The following LEO1 variants were observed in gnomAD, a reference collection of about 807,000 sequenced individuals.
LEO1 encodes the protein LEO1 component of Paf1/RNA polymerase II complex.
A neutral mutation model predicts 80.4 loss-of-function variants in LEO1; 34 were observed. That is an observed-to-expected ratio of 0.42 (90% CI 0.32 to 0.56). The LOEUF (loss-of-function observed/expected upper bound fraction) is 0.56, where lower values mean the gene tolerates loss of function less well. Ranked by LOEUF, LEO1 falls within the 20% of genes least tolerant of loss-of-function variation. LEO1 has a pLI of 0.10. For missense variants in LEO1, 631 were observed against 814.2 expected, an observed-to-expected ratio of 0.77 and a Z score of 2.74; for synonymous variants, 262 against 274.9, an observed-to-expected ratio of 0.95 and a Z score of 0.46.
In LEO1 at chr15:51,965,885, T is replaced by C; in HGVS notation, c.678A>G (p.Lys226=). 1 of 1,614,146 alleles carries C rather than the reference T, an allele frequency of 6.2e-7. No homozygotes were observed. Among genetic ancestry groups the C allele is most frequent in the Non-Finnish European group, 8.5e-7 (1 of 1,180,024 alleles). ...RPVASDNDDE[K]QNSDDEEQPQ... ...GTTGTTCTTCATCATCAGAATTCTG[T>C]TTCTCATCATCATTATCAGAAGCTA... The change falls in exon 2 of 12, where the codon AAA becomes AAG. Residue 226 remains lysine, a synonymous_variant. Transcript: ENST00000299601.
chr15:51,950,093 G>A, intron 9 of LEO1, 99 bp from the exon 10 acceptor site: 1 of 1,030,530 alleles, frequency 9.7e-7, no homozygotes, highest in Non-Finnish European at 1.4e-6. Context: ...GTCTGGTCCA[G>A]ATAACAGCTG....
Position 51,971,741 on chromosome 15 carries a change from G to C in LEO1, c.5C>G (p.Ala2Gly), listed in dbSNP as rs896338366. The change falls in exon 1 of 12, where the codon GCG (alanine) becomes GGG (glycine). Residue 2 changes from alanine (A) to glycine (G), a missense_variant. Coordinates refer to ENST00000299601, the MANE Select transcript of LEO1 (RefSeq NM_138792.4). ...GCTCCCGAAGAGATCCTCCATATCC[G>C]CCATTATCGCTCACGTCCGCTGCTG... MADMEDLFGSDA... is the reference protein window; with the variant it reads MGDMEDLFGSDA... 6 of 1,614,080 alleles carry C rather than the reference G, an allele frequency of 3.7e-6. No homozygotes were observed. The highest frequency in any genetic ancestry group is 5.1e-6 in the Non-Finnish European group (6 of 1,180,008).
intron 11 of LEO1, among the ~76,000 whole-genome samples, chr15:51,943,147 A>G (rs987876078): frequency 4.6e-5 from 7 of 151,992 alleles, no homozygotes; most frequent in African/African-American, 1.2e-4. Flanking sequence ...TGGGAGACCA[A>G]TGCGGGCAGA....
chr15:51,956,351 C>CGG (rs774993668), intron 6 of LEO1, among the ~76,000 whole-genome samples: 6 of 130,446 alleles, frequency 4.6e-5, no homozygotes, highest in Non-Finnish European at 9.3e-5. Flanking sequence ...ACCCGGGAGG[C>CGG]GGGGGTTGCA....
In LEO1 at chr15:51,971,716, G is replaced by C. The variant is rs372215852; in HGVS notation, c.30C>G (p.Ser10Arg). 6.2e-7 allele frequency: 1 copy of C among 1,613,988 alleles called. No individual in the cohort carries two copies. Among genetic ancestry groups the C allele is most frequent in the African/African-American group, 1.3e-5 (1 of 74,946 alleles). The change falls in exon 1 of 12, where the codon AGC becomes AGG. Residue 10 changes from serine (S) to arginine (R), a missense_variant. Around this residue, in one of 4 missense-constraint regions of LEO1, gnomAD observed 394 missense variants for 395.6 expected, o/e 1.00. Transcript: ENST00000299601. ...TACGCTCAGCTTCGCTGTCGGCGTC[G>C]CTCCCGAAGAGATCCTCCATATCCG... is the stretch of plus-strand genomic sequence containing the variant. MADMEDLFG[S>R]DADSEAERKD...
rs1595941247 is a variant in LEO1, at chr15:51,958,947, T to C, written c.1161-121A>G. 5.7e-6 allele frequency: 3 copies of C among 525,592 alleles called. No individual in the cohort carries two copies. The East Asian group carries it at 1.0e-4, about 18-fold the overall frequency. The allele number at this position is 525,592 out of a possible 1,614,324, so 32.6% of individuals were successfully genotyped here. ...AAAAATCATAATATAATTTTAAAAA[T>C]CATAATGATCAATATCTTCATGCTT... On this transcript the variant is annotated intron_variant, in intron 5 of 11. Coordinates refer to ENST00000299601, the MANE Select transcript of LEO1 (RefSeq NM_138792.4).
In LEO1 at chr15:51,960,681, C is replaced by A. The variant is rs1400128823; in HGVS notation, c.972G>T (p.Gly324=). ...TAGGTGGTTTGTCTTCTCCATCACT[C>A]CCTGAAGAGATATCATCTGCACCTC... The part of the protein sequence containing the change: ...LFGGADDISS[G]SDGEDKPPTP... The change falls in exon 4 of 12, where the codon GGG becomes GGT. Residue 324 remains glycine (G), a synonymous_variant. Transcript: ENST00000299601. The A allele has an allele frequency of 2.5e-6, 4 of 1,612,178 alleles. No individual in the cohort carries two copies. Among genetic ancestry groups the A allele is most frequent in the East Asian group, 2.2e-5 (1 of 44,870 alleles).
chr15:51,968,885 A>G (rs1168132689), intron 1 of LEO1, among the ~76,000 whole-genome samples: 2 of 152,170 alleles, frequency 1.3e-5, no homozygotes, highest in East Asian at 3.8e-4. Flanking sequence ...ATATTTGCAA[A>G]CCATGTATCT....
chr15:51,947,695 G>A (rs570933428), intron 10 of LEO1, among the ~76,000 whole-genome samples: 1 of 152,264 alleles, frequency 6.6e-6, no homozygotes, highest in East Asian at 1.9e-4. Flanking sequence ...AAAGTGCTGG[G>A]ATTATAGGCG....
chr15:51,963,465 C>T lies in LEO1; in HGVS notation c.815-972G>A, dbSNP rs573074518. Among the ~76,000 whole-genome samples the T allele has an allele frequency of 2.6e-5, 4 of 152,274 alleles. No individual in the cohort carries two copies. In the East Asian group the frequency reaches 7.7e-4, roughly 29 times the overall value. On this transcript the variant is annotated intron_variant, in intron 2 of 11. Transcript: ENST00000299601. ...TACGTAAAAATGTCACAAAAATCAA[C>T]AGAACCACTGTTGAACTAGTAAGAG...
intron 7 of LEO1, among the ~76,000 whole-genome samples, chr15:51,953,575 G>A (rs1052962373): frequency 4.6e-5 from 7 of 151,872 alleles, no homozygotes; most frequent in African/African-American, 1.7e-4. Context: ...AGCCAAGATC[G>A]TGCCACTGCA....
At chr15:51,962,925 G>GCCC (rs35454454) in intron 2 of LEO1, among the ~76,000 whole-genome samples, 206 of 146,962 alleles carry the variant, frequency 1.4e-3, no homozygotes, top group Admixed American at 5.6e-3. Flanking sequence ...TGCAGAACAT[G>GCCC]CCCCCCCCCC....
At position 51,953,135 on chromosome 15, in the gene LEO1, G is replaced by C. The variant is rs2056962322; in HGVS notation, c.1469C>G (p.Thr490Ser). The C allele has an allele frequency of 6.2e-7, 1 of 1,609,998 alleles. No individual in the cohort carries two copies. The highest frequency in any genetic ancestry group is 8.5e-7 in the Non-Finnish European group (1 of 1,177,662). ...QGQAVFKTKLTFRPHSTDSAT... is the reference protein window; with the variant it reads ...QGQAVFKTKLSFRPHSTDSAT... ...TAATAATAATAACAGTTACCTGAAG[G>C]TGAGTTTCGTTTTAAAGACTGCTTG... is the stretch of plus-strand genomic sequence containing the variant. Residue 490 changes from threonine (T) to serine (S), a missense_variant, in exon 8 of 12, where the codon ACC becomes AGC. Around this residue, in one of 4 missense-constraint regions of LEO1, gnomAD observed 25 missense variants for 83.5 expected, o/e 0.30. Transcript: ENST00000299601.
intron 11 of LEO1, among the ~76,000 whole-genome samples, chr15:51,944,349 A>G (rs971068601): frequency 6.6e-6 from 1 of 152,192 alleles, no homozygotes; most frequent in Non-Finnish European, 1.5e-5. Flanking sequence ...TTTTTCAATA[A>G]TAATAATGGA....
chr15:51,965,911 C>T lies in LEO1; in HGVS notation c.652G>A (p.Val218Ile), dbSNP rs1164140774. ...TTCTCATCATCATTATCAGAAGCTA[C>T]CGGCCGTTCATCATCAGAATTAGCC... ...EKANSDDERP[V>I]ASDNDDEKQN... is the part of the protein sequence containing the mutation. The change falls in exon 2 of 12, where the codon GTA becomes ATA. Residue 218 changes from valine to isoleucine, a missense_variant. Around this residue, in one of 4 missense-constraint regions of LEO1, gnomAD observed 394 missense variants for 395.6 expected, o/e 1.00. Coordinates refer to ENST00000299601, the MANE Select transcript of LEO1 (RefSeq NM_138792.4). 6.2e-7 allele frequency: 1 copy of T among 1,614,112 alleles called. No homozygotes were observed. Among genetic ancestry groups the T allele is most frequent in the African/African-American group, 1.3e-5 (1 of 75,022 alleles).
rs771425797 is a variant in LEO1 at position 51,938,182 on chromosome 15, C to T, written c.1975G>A (p.Asp659Asn). 9 of 1,600,934 alleles carry T rather than the reference C, an allele frequency of 5.6e-6. No homozygotes were observed. Among genetic ancestry groups the T allele is most frequent in the Admixed American group, 3.3e-5 (2 of 59,840 alleles). ...CAATCATCATCTTCTTCCTCTTCAT[C>T]GCTGATCACATACTTCTTATGCTTT... ...NKKHKKYVIS[D>N]EEEEDDD The change falls in exon 12 of 12, where the codon GAT becomes AAT. Residue 659 changes from aspartate (D) to asparagine (N), a missense_variant. Physicochemically the swap from Asp to Asn is conservative, Grantham distance 23. Around this residue, in one of 4 missense-constraint regions of LEO1, gnomAD observed 117 missense variants for 163.5 expected, o/e 0.72. Transcript: ENST00000299601.
chr15:51,957,546 T>C (rs2056999040), intron 6 of LEO1, among the ~76,000 whole-genome samples: 1 of 152,244 alleles, frequency 6.6e-6, no homozygotes, highest in African/African-American at 2.4e-5. Flanking sequence ...GTTTTCTTAT[T>C]TGATTTGCAT....
chr15:51,945,119 A>C (rs1159869245), intron 11 of LEO1, among the ~76,000 whole-genome samples: 1 of 152,088 alleles, frequency 6.6e-6, no homozygotes, highest in African/African-American at 2.4e-5. Flanking sequence ...CTCAGAATAA[A>C]AAACCAAAAT....
At chr15:51,969,081 C>T (rs2057101606) in intron 1 of LEO1, among the ~76,000 whole-genome samples, 1 of 152,006 alleles carries the variant, frequency 6.6e-6, no homozygotes, top group Non-Finnish European at 1.5e-5. Flanking sequence ...TCTCCTACCT[C>T]AGCCTCCCAA....
Sources: gnomAD v4.1 joint callset for allele counts (sites outside exome capture counted in the v4.1 genomes callset) on GRCh38, gnomAD v4.1.1 for gene constraint, gnomAD v4.1.1 regional missense constraint, MANE v1.5 for transcripts, NCBI Gene and HGNC (gene_info 2026-07-23, HGNC 2026-07-21) for gene names.